The following LRRC75A variants were observed in gnomAD, a reference collection of about 807,000 sequenced individuals.
LRRC75A encodes leucine-rich repeat-containing protein 75A.
LRRC75A carries 12 observed loss-of-function variants against 26.0 expected under a neutral mutation model. The ratio of observed to expected loss-of-function variants is 0.46; its 90% CI spans 0.30 to 0.75. The LOEUF is 0.75. Ranked by LOEUF, LRRC75A falls within the 30% of genes least tolerant of loss-of-function variation. The pLI is 0.08. For synonymous variants in LRRC75A, 223 were observed against 219.3 expected, an observed-to-expected ratio of 1.02 and a Z score of -0.15; for missense variants, 410 against 486.6, an observed-to-expected ratio of 0.84 and a Z score of 1.48.
chr17:16,462,172 C>G lies in LRRC75A; in HGVS notation c.375+86G>C. 20 of 1,484,986 alleles carry G rather than the reference C, an allele frequency of 1.3e-5. No homozygotes were observed. In the South Asian group the frequency reaches 2.0e-4, roughly 15 times the overall value. 92.0% of individuals were successfully genotyped at this position (1,484,986 alleles called of 1,614,324 possible). ...GTCCTCCTTGGGCCTGTCTGCCAGT[C>G]CTCCTTGGGCATACAGCTGCTCTGC... On this transcript the variant is annotated intron_variant, in intron 2 of 3. Coordinates refer to ENST00000470794, the MANE Select transcript of LRRC75A (RefSeq NM_001113567.3). The surrounding 1 kb of genome is among the most constrained non-coding windows in gnomAD (Gnocchi z 4.6).
intron 1 of LRRC75A, among the ~76,000 whole-genome samples, chr17:16,472,930 A>G (rs1188291280): frequency 6.6e-6 from 1 of 152,250 alleles, no homozygotes; most frequent in Non-Finnish European, 1.5e-5. Context: ...AAATTTATAA[A>G]GTTACATCAA....
At chr17:16,483,367 G>A (rs2093839001) in intron 1 of LRRC75A, among the ~76,000 whole-genome samples, 1 of 152,358 alleles carries the variant, frequency 6.6e-6, no homozygotes, top group African/African-American at 2.4e-5. Context: ...AGACAGGTTG[G>A]CCTCGGCAGT....
intron 2 of LRRC75A, among the ~76,000 whole-genome samples, chr17:16,448,602 A>C (rs1314160765): frequency 6.6e-6 from 1 of 152,186 alleles, no homozygotes; most frequent in Non-Finnish European, 1.5e-5. Flanking sequence ...TCACAAGTTG[A>C]TGTCCTAACC....
At chr17:16,489,065 T>C (rs1324207403) in intron 1 of LRRC75A, among the ~76,000 whole-genome samples, 1 of 152,140 alleles carries the variant, frequency 6.6e-6, no homozygotes, top group Non-Finnish European at 1.5e-5. Context: ...CGAAATTGCC[T>C]GTGAGATTGC....
In LRRC75A at chr17:16,479,565, C is replaced by T. The variant is rs1601198384; in HGVS notation, c.246+12180G>A. On this transcript the variant is annotated intron_variant, in intron 1 of 3. Coordinates refer to ENST00000470794, the MANE Select transcript of LRRC75A (RefSeq NM_001113567.3). ...ACTTCTCATAAAGGCACTCTATGGG[C>T]TAGAAGCCACATTCCACCTCAGTGA... 2.0e-5 allele frequency among the ~76,000 whole-genome samples: 3 copies of T among 152,192 alleles called. No homozygotes were observed. In the East Asian group the frequency reaches 5.8e-4, roughly 29 times the overall value.
At chr17:16,474,932 G>C (rs2143366776) in intron 1 of LRRC75A, among the ~76,000 whole-genome samples, 1 of 151,012 alleles carries the variant, frequency 6.6e-6, no homozygotes, top group South Asian at 2.1e-4. Flanking sequence ...GGCGGAGCTT[G>C]CAGTGAGCCA....
At chr17:16,484,751 G>T (rs996782128) in intron 1 of LRRC75A, among the ~76,000 whole-genome samples, 3 of 152,096 alleles carry the variant, frequency 2.0e-5, no homozygotes, top group African/African-American at 4.8e-5. Context: ...AAAGACACGC[G>T]GACACTGAGG....
intron 1 of LRRC75A, among the ~76,000 whole-genome samples, chr17:16,483,341 G>A (rs1022934799): frequency 1.3e-5 from 2 of 152,234 alleles, no homozygotes; most frequent in Admixed American, 6.5e-5. Context: ...CCGTCAGCTA[G>A]GACTGCGGTC....
chr17:16,476,287 G>A (rs1422395238), intron 1 of LRRC75A, among the ~76,000 whole-genome samples: 1 of 152,030 alleles, frequency 6.6e-6, no homozygotes, highest in Non-Finnish European at 1.5e-5. Flanking sequence ...AGAATCACTT[G>A]AACCCGGGAG....
At chr17:16,486,039 C>G (rs936347220) in intron 1 of LRRC75A, among the ~76,000 whole-genome samples, 1 of 152,170 alleles carries the variant, frequency 6.6e-6, no homozygotes, top group African/African-American at 2.4e-5. Flanking sequence ...TGAGAGAGAA[C>G]GCCAGGGACA....
chr17:16,486,339 C>T (rs1366218838), intron 1 of LRRC75A, among the ~76,000 whole-genome samples: 1 of 152,134 alleles, frequency 6.6e-6, no homozygotes, highest in Admixed American at 6.5e-5. Context: ...CCTCACCAGA[C>T]CCTAAAGTCA....
rs1276352630 is a variant in LRRC75A, at chr17:16,491,404, T to C, written c.246+341A>G. On this transcript the variant is annotated intron_variant, in intron 1 of 3. Transcript: ENST00000470794. This position sits in a 1 kb window ranked among gnomAD's most constrained non-coding sequence, Gnocchi z 5.9. ...TGGGCAGACAGGAAGAAAAGAGCCC[T>C]GGCCCAGATCAGGCAGGCATCCCTG... Among the ~76,000 whole-genome samples the C allele has an allele frequency of 2.0e-5, 3 of 152,306 alleles. No individual in the cohort carries two copies. The highest frequency in any genetic ancestry group is 2.9e-5 in the Non-Finnish European group (2 of 68,006).
chr17:16,444,944 G>T (rs1332708766), intron 3 of LRRC75A, among the ~76,000 whole-genome samples: 2 of 151,420 alleles, frequency 1.3e-5, no homozygotes, highest in African/African-American at 2.4e-5. Flanking sequence ...TGCCTCCCGG[G>T]CTCAAGTGAT....
intron 1 of LRRC75A, among the ~76,000 whole-genome samples, chr17:16,466,113 G>T (rs964585999): frequency 6.6e-6 from 1 of 152,228 alleles, no homozygotes; most frequent in African/African-American, 2.4e-5. Flanking sequence ...ATAGTCCTGA[G>T]GACCTTGGGC....
At position 16,443,744 on chromosome 17, in the gene LRRC75A, G is replaced by A. The variant is rs1340464139; in HGVS notation, c.879C>T (p.Gly293=). The part of the protein sequence containing the change: ...LSLRKRSPKQ[G]HLPTILELGE... ...CCAGCTCCAGGATGGTGGGTAGGTG[G>A]CCCTGCTTTGGGGAGCGCTTGCGCA... Residue 293 remains glycine, a synonymous_variant, in exon 4 of 4, where the codon GGC becomes GGT. Coordinates refer to ENST00000470794, the MANE Select transcript of LRRC75A (RefSeq NM_001113567.3). 3 of 1,613,856 alleles carry A rather than the reference G, an allele frequency of 1.9e-6. No individual in the cohort carries two copies. The highest frequency in any genetic ancestry group is 1.3e-5 in the African/African-American group (1 of 75,052).
chr17:16,454,039 C>A (rs1022491342), intron 2 of LRRC75A, among the ~76,000 whole-genome samples: 3 of 152,194 alleles, frequency 2.0e-5, no homozygotes, highest in Non-Finnish European at 4.4e-5. Context: ...TTAGATCACA[C>A]CCTTTGTCCA....
chr17:16,454,810 A>G (rs2093663506), intron 2 of LRRC75A, among the ~76,000 whole-genome samples: 1 of 151,926 alleles, frequency 6.6e-6, no homozygotes, highest in Non-Finnish European at 1.5e-5. Flanking sequence ...TTTTAAAGAG[A>G]TGGGGGTCTC....
At position 16,491,767 on chromosome 17, in the gene LRRC75A, G is replaced by A; in HGVS notation, c.224C>T (p.Thr75Met). 1 of 1,424,756 alleles carries A rather than the reference G, an allele frequency of 7.0e-7. No individual in the cohort carries two copies. Among genetic ancestry groups the A allele is most frequent in the Non-Finnish European group, 9.2e-7 (1 of 1,089,584 alleles). 88.3% of individuals were successfully genotyped at this position (1,424,756 alleles called of 1,614,324 possible). A position where few individuals can be genotyped will look rare whatever the true frequency, so the allele number is the denominator to read the frequency against. ...CACCTGGCGCAGGTGCTGCAGCAGC[G>A]TCCCCGCCTCCTCCCGCCGGCCCTG... ...VRQGRREEAG[T>M]LLQHLRQDLG... The change falls in exon 1 of 4, where the codon ACG (threonine) becomes ATG (methionine). Residue 75 changes from threonine (T) to methionine (M), a missense_variant. Transcript: ENST00000470794. The surrounding 1 kb of genome is among the most constrained non-coding windows in gnomAD (Gnocchi z 5.9).
chr17:16,477,783 A>G (rs990521459), intron 1 of LRRC75A, among the ~76,000 whole-genome samples: 2 of 151,926 alleles, frequency 1.3e-5, no homozygotes, highest in African/African-American at 4.8e-5. Flanking sequence ...TCTCCCCGCA[A>G]AGGTGGAAAA....
Sources: gnomAD v4.1 joint callset for allele counts (sites outside exome capture counted in the v4.1 genomes callset) on GRCh38, gnomAD v4.1.1 for gene constraint, Gnocchi (gnomAD v3.1) non-coding constraint, MANE v1.5 for transcripts, NCBI Gene and HGNC (gene_info 2026-07-23, HGNC 2026-07-21) for gene names.